Variants in TRAPPC9 observed in about 807,000 individuals in gnomAD.
TRAPPC9 encodes trafficking protein particle complex subunit 9, also known as IKK2 binding protein.
A neutral mutation model predicts 124.0 loss-of-function variants in TRAPPC9; 83 were observed. That is an observed-to-expected ratio of 0.67 (90% confidence interval 0.56 to 0.80). The LOEUF (loss-of-function observed/expected upper bound fraction) is 0.80. TRAPPC9 is among the 30% of genes least tolerant of loss of function. The probability of loss-of-function intolerance (pLI) is 0.00; values close to 1 mark genes in which losing one functional copy is unlikely to be tolerated. For missense variants in TRAPPC9, 1,302 were observed against 1,508.3 expected (o/e 0.86, Z 2.27); for synonymous variants, 638 against 617.5 (o/e 1.03, Z -0.49).
intron 19 of TRAPPC9, among the ~76,000 whole-genome samples, chr8:139,936,812 G>A (rs1373075954): frequency 5.4e-5 from 7 of 129,448 alleles, no homozygotes; most frequent in Non-Finnish European, 1.1e-4. Context: ...CTGCAGTGTG[G>A]TATAAAGCAT....
intron 21 of TRAPPC9, among the ~76,000 whole-genome samples, chr8:139,853,821 G>C (rs1271691245): frequency 6.6e-6 from 1 of 152,210 alleles, no homozygotes; most frequent in Non-Finnish European, 1.5e-5. Context: ...GAGAGCCAAG[G>C]TAGGGTATCT....
chr8:140,312,236 T>G (rs772650508), intron 9 of TRAPPC9, among the ~76,000 whole-genome samples: 1 of 152,234 alleles, frequency 6.6e-6, no homozygotes, highest in Non-Finnish European at 1.5e-5. Context: ...TTGCAGCATC[T>G]AGCTTCTCTG....
chr8:140,313,693 C>T (rs1340758812), intron 9 of TRAPPC9, among the ~76,000 whole-genome samples: 1 of 152,146 alleles, frequency 6.6e-6, no homozygotes, highest in Non-Finnish European at 1.5e-5. Context: ...TGCTGACTCC[C>T]TGAAGGGAGT....
intron 17 of TRAPPC9, among the ~76,000 whole-genome samples, chr8:140,217,403 G>A (rs910802248): frequency 6.6e-6 from 1 of 152,170 alleles, no homozygotes; most frequent in Admixed American, 6.5e-5. Context: ...ACTGGAGTCT[G>A]AGGATGAGAA....
intron 18 of TRAPPC9, among the ~76,000 whole-genome samples, chr8:140,011,756 C>A (rs1265815920): frequency 1.4e-5 from 2 of 147,430 alleles, no homozygotes; most frequent in Non-Finnish European, 3.0e-5. Context: ...CGGCTCACTG[C>A]AACCTCTGCC....
intron 17 of TRAPPC9, among the ~76,000 whole-genome samples, chr8:140,057,503 A>G (rs79360935): frequency 0.015 from 2,274 of 152,346 alleles, 59 homozygotes; most frequent in African/African-American, 0.051. Context: ...ATGTTATTCA[A>G]TCTTTCAAAA....
chr8:139,760,160 G>C (rs984385191), intron 21 of TRAPPC9, among the ~76,000 whole-genome samples: 14 of 152,216 alleles, frequency 9.2e-5, no homozygotes, highest in Non-Finnish European at 2.9e-5. Flanking sequence ...CTTGGGGGCT[G>C]CAGCGAGGCC....
At position 139,733,077 on chromosome 8, in the gene TRAPPC9, G is replaced by A. The variant is rs28604326; in HGVS notation, c.3056-875C>T. Reference sequence around the variant, plus strand: ...TTTCATGGTGATCCCCAAAAGATACGTGAGAATGTGACCGTATTGGGGAAG... The same window carrying A: ...TTTCATGGTGATCCCCAAAAGATACATGAGAATGTGACCGTATTGGGGAAG... On this transcript the variant is annotated intron_variant, in intron 21 of 22. Transcript: ENST00000438773. Among the ~76,000 whole-genome samples, 265 of 152,234 alleles carry A rather than the reference G, an allele frequency of 1.7e-3. 1 individual carries two copies. The highest frequency in any genetic ancestry group is 3.3e-3 in the Non-Finnish European group (225 of 68,024).
chr8:140,328,330 A>G (rs970707790), intron 9 of TRAPPC9, among the ~76,000 whole-genome samples: 4 of 152,194 alleles, frequency 2.6e-5, no homozygotes, highest in African/African-American at 9.7e-5. Flanking sequence ...AGCTCAAAAA[A>G]AGGAAAATAC....
rs747413094 is a variant in TRAPPC9 at position 140,086,563 on chromosome 8, G to A, written c.2557-62484C>T. On this transcript the variant is annotated intron_variant, in intron 17 of 22. Transcript: ENST00000438773. ...CACCCCATCCCGTCCTGCTCCACCC[G>A]TCTCTTCCACTGTTCAATCCTTGTC... 4.7e-4 allele frequency among the ~76,000 whole-genome samples: 71 copies of A among 152,172 alleles called. 1 individual carries two copies. Among genetic ancestry groups the A allele is most frequent in the Admixed American group, 1.9e-3 (29 of 15,288 alleles).
chr8:139,785,218 C>T (rs560089471), intron 21 of TRAPPC9, among the ~76,000 whole-genome samples: 4 of 152,272 alleles, frequency 2.6e-5, no homozygotes, highest in Admixed American at 6.5e-5. Context: ...CAACTGAATA[C>T]ACACTCGCTA....
rs1437584314 is a variant in TRAPPC9, at chr8:140,241,465, G to A, written c.2431+11312C>T. Among the ~76,000 whole-genome samples, 1 of 151,624 alleles carries A rather than the reference G, an allele frequency of 6.6e-6. No homozygotes were observed. The highest frequency in any genetic ancestry group is 2.4e-5 in the African/African-American group (1 of 41,170). On this transcript the variant is annotated intron_variant, in intron 16 of 22. Coordinates refer to ENST00000438773, the MANE Select transcript of TRAPPC9 (RefSeq NM_001160372.4). The surrounding 1 kb of genome is among the most constrained non-coding windows in gnomAD (Gnocchi z 5.0). The stretch of plus-strand genomic sequence containing the variant: ...TAATCCCAGCACTTTGGGAGGCTGA[G>A]GTGGGTGAATCATGAGGTGAAGGGA...
chr8:139,786,715 A>ATAC (rs774534599), intron 21 of TRAPPC9, among the ~76,000 whole-genome samples: 1 of 152,242 alleles, frequency 6.6e-6, no homozygotes, highest in African/African-American at 2.4e-5. Flanking sequence ...ATACAGTGGA[A>ATAC]TACTACTCAG....
intron 21 of TRAPPC9, among the ~76,000 whole-genome samples, chr8:139,842,015 C>T (rs1172695132): frequency 1.3e-5 from 2 of 152,228 alleles, no homozygotes; most frequent in East Asian, 3.8e-4. Context: ...TTGGAAAACA[C>T]AGCAGTGTGA....
At chr8:140,117,900 A>C (rs2130577867) in intron 17 of TRAPPC9, among the ~76,000 whole-genome samples, 1 of 152,350 alleles carries the variant, frequency 6.6e-6, no homozygotes, top group South Asian at 2.1e-4. Flanking sequence ...CTAGAAAATA[A>C]AAAATAGATT....
At chr8:140,048,986 G>A (rs1841801463) in intron 17 of TRAPPC9, among the ~76,000 whole-genome samples, 1 of 152,154 alleles carries the variant, frequency 6.6e-6, no homozygotes, top group African/African-American at 2.4e-5. Context: ...GGAAACACGA[G>A]AAGCTGAGGC....
intron 20 of TRAPPC9, among the ~76,000 whole-genome samples, chr8:139,899,822 C>T (rs1239357284): frequency 6.6e-6 from 1 of 152,154 alleles, no homozygotes; most frequent in African/African-American, 2.4e-5. Context: ...ACTCGACACC[C>T]TTTAAAGGCC....
intron 4 of TRAPPC9, among the ~76,000 whole-genome samples, chr8:140,432,601 A>G (rs1448633945): frequency 6.6e-6 from 1 of 152,218 alleles, no homozygotes; most frequent in African/African-American, 2.4e-5. Context: ...GGCCGGGCAC[A>G]GTGGCTCACG....
At chr8:140,058,031 G>T (rs1379355507) in intron 17 of TRAPPC9, among the ~76,000 whole-genome samples, 1 of 152,184 alleles carries the variant, frequency 6.6e-6, no homozygotes, top group Admixed American at 6.5e-5. Context: ...TTTTCTAAGC[G>T]CATTGCATAC....
Sources: allele counts gnomAD v4.1 joint callset (sites outside exome capture counted in the v4.1 genomes callset), GRCh38; gene constraint gnomAD v4.1.1; non-coding constraint Gnocchi (gnomAD v3.1); transcripts MANE v1.5; gene names NCBI Gene and HGNC (gene_info 2026-07-23, HGNC 2026-07-21).